Variants in SH3RF1 observed in about 807,000 individuals in gnomAD.
The protein encoded by SH3RF1 is E3 ubiquitin-protein ligase SH3RF1.
In SH3RF1, 32 loss-of-function variants were observed where a neutral mutation model predicts 74.0. The observed-to-expected ratio is 0.43, with a 90% CI of 0.33 to 0.58. The LOEUF is 0.58. SH3RF1 is among the 20% of genes least tolerant of loss of function. SH3RF1 has a pLI of 0.05. For synonymous variants in SH3RF1, 396 were observed against 439.6 expected, an observed-to-expected ratio of 0.90 and a Z score of 1.24; for missense variants, 954 against 1,130.9, an observed-to-expected ratio of 0.84 and a Z score of 2.24.
chr4:169,265,377 G>T (rs978604696), intron 2 of SH3RF1, among the ~76,000 whole-genome samples: 1 of 152,198 alleles, frequency 6.6e-6, no homozygotes, highest in African/African-American at 2.4e-5. Context: ...AATTTGCTGT[G>T]AAGTAGAGGC....
At chr4:169,135,910 A>G (rs1733691360) in intron 5 of SH3RF1, among the ~76,000 whole-genome samples, 1 of 152,238 alleles carries the variant, frequency 6.6e-6, no homozygotes. Flanking sequence ...GGTAAGTTAC[A>G]TAGATACAAG....
intron 2 of SH3RF1, among the ~76,000 whole-genome samples, chr4:169,243,021 C>T (rs1561062839): frequency 6.6e-6 from 1 of 152,202 alleles, no homozygotes; most frequent in Non-Finnish European, 1.5e-5. Flanking sequence ...AACAGCATTG[C>T]ATGAAAAAGA....
At chr4:169,128,683 G>T (rs957206265) in intron 6 of SH3RF1, among the ~76,000 whole-genome samples, 1 of 152,162 alleles carries the variant, frequency 6.6e-6, no homozygotes, top group Non-Finnish European at 1.5e-5. Context: ...AAAACTAGCC[G>T]GAGCCAACAT....
In SH3RF1 at chr4:169,120,831, G is replaced by A. The variant is rs778601540; in HGVS notation, c.1505C>T (p.Ala502Val). The A allele has an allele frequency of 4.3e-6, 7 of 1,614,152 alleles. No individual in the cohort carries two copies. The Admixed American group carries it at 1.2e-4, about 27-fold the overall frequency. Residue 502 changes from alanine to valine, a missense_variant, in exon 8 of 12, where the codon GCA becomes GTA. Ala to Val is a moderately conservative substitution (Grantham distance 64). Around this residue, in one of 3 missense-constraint regions of SH3RF1, gnomAD observed 854 missense variants for 962.5 expected, o/e 0.89. Coordinates refer to ENST00000284637, the MANE Select transcript of SH3RF1 (RefSeq NM_020870.4). ...KIGVFPGNYV[A>V]PVTRAVTNAS... ...TTCAAAACCATACCTTGTGACTGGT[G>A]CCACATAATTGCCAGGGAAAACCCC...
At chr4:169,168,090 T>TGATTGTGTCACTGCA (rs2126971502) in intron 2 of SH3RF1, among the ~76,000 whole-genome samples, 1 of 152,242 alleles carries the variant, frequency 6.6e-6, no homozygotes, top group East Asian at 1.9e-4. Context: ...CAATGAGCTA[T>TGATTGTGTCACTGCA]GATTGTGTCA....
At chr4:169,126,950 T>A (rs1733534945) in intron 6 of SH3RF1, among the ~76,000 whole-genome samples, 1 of 152,230 alleles carries the variant, frequency 6.6e-6, no homozygotes, top group Non-Finnish European at 1.5e-5. Context: ...GGTATTTACC[T>A]TTATTGACCT....
At chr4:169,255,614 T>TACACACACAC (rs1192993515) in intron 2 of SH3RF1, among the ~76,000 whole-genome samples, 10 of 59,068 alleles carry the variant, frequency 1.7e-4, no homozygotes, top group East Asian at 1.1e-3. Flanking sequence ...CACACATACA[T>TACACACACAC]ACACACATAC....
chr4:169,250,722 G>A (rs538348189), intron 2 of SH3RF1, among the ~76,000 whole-genome samples: 1 of 152,132 alleles, frequency 6.6e-6, no homozygotes, highest in Non-Finnish European at 1.5e-5. Flanking sequence ...ACAAATAAAT[G>A]TATAATGTGA....
At position 169,238,963 on chromosome 4, in the gene SH3RF1, C is replaced by T. The variant is rs532657329; in HGVS notation, c.393+29857G>A. Among the ~76,000 whole-genome samples, 24 of 20,622 alleles carry T rather than the reference C, an allele frequency of 1.2e-3. No homozygotes were observed. In the South Asian group the frequency reaches 0.13, roughly 110 times the overall value. The allele number at this position is 20,622 out of a possible 152,430, so 13.5% of individuals were successfully genotyped here. On this transcript the variant is annotated intron_variant, in intron 2 of 11. Transcript: ENST00000284637. ...GGTAAATGACTTCAAAGCTAATTTCCGCCCCCCCCCACCCCTTGCCCTTTT... is the reference window on the plus strand; with the variant it reads ...GGTAAATGACTTCAAAGCTAATTTCTGCCCCCCCCCACCCCTTGCCCTTTT...
chr4:169,195,562 T>A (rs1734795230), intron 2 of SH3RF1, among the ~76,000 whole-genome samples: 1 of 152,212 alleles, frequency 6.6e-6, no homozygotes, highest in South Asian at 2.1e-4. Flanking sequence ...CATTTACAAG[T>A]ATTTAGAAAT....
chr4:169,198,793 T>C (rs1486117238), intron 2 of SH3RF1, among the ~76,000 whole-genome samples: 1 of 152,052 alleles, frequency 6.6e-6, no homozygotes, highest in Non-Finnish European at 1.5e-5. Context: ...GAAATAACAA[T>C]TAGGCTGAAA....
chr4:169,129,624 A>C (rs1282822916), intron 6 of SH3RF1, among the ~76,000 whole-genome samples: 1 of 152,202 alleles, frequency 6.6e-6, no homozygotes, highest in Non-Finnish European at 1.5e-5. Flanking sequence ...ATGAATCTTT[A>C]ATGTAGAGAT....
At chr4:169,208,027 T>G (rs1730290187) in intron 2 of SH3RF1, among the ~76,000 whole-genome samples, 1 of 152,158 alleles carries the variant, frequency 6.6e-6, no homozygotes, top group Non-Finnish European at 1.5e-5. Context: ...TAGACTCTAC[T>G]TTGCCAGGCT....
intron 4 of SH3RF1, among the ~76,000 whole-genome samples, chr4:169,152,307 G>C (rs1021024233): frequency 2.0e-5 from 3 of 152,068 alleles, no homozygotes; most frequent in African/African-American, 7.2e-5. Flanking sequence ...GCTCAACAAG[G>C]ACTCCAAGGC....
chr4:169,153,807 A>C (rs535141175), intron 4 of SH3RF1, among the ~76,000 whole-genome samples: 2 of 152,326 alleles, frequency 1.3e-5, no homozygotes, highest in East Asian at 1.9e-4. Flanking sequence ...GAAAGAAAAG[A>C]AGCAGAATGA....
At chr4:169,198,058 A>G (rs1472327249) in intron 2 of SH3RF1, among the ~76,000 whole-genome samples, 1 of 152,230 alleles carries the variant, frequency 6.6e-6, no homozygotes, top group African/African-American at 2.4e-5. Flanking sequence ...TGCTTTAAGA[A>G]AAATCAATTG....
intron 2 of SH3RF1, among the ~76,000 whole-genome samples, chr4:169,241,776 C>T (rs1375244432): frequency 2.6e-5 from 4 of 152,216 alleles, no homozygotes; most frequent in Non-Finnish European, 4.4e-5. Context: ...AGATACTGCA[C>T]TTCTTGGGAA....
chr4:169,178,326 A>G (rs1177411174), intron 2 of SH3RF1, among the ~76,000 whole-genome samples: 1 of 49,040 alleles, frequency 2.0e-5, no homozygotes, highest in Non-Finnish European at 6.0e-5. Flanking sequence ...AACTATGCTT[A>G]TTTAAAAAAA....
At chr4:169,215,374 T>C (rs995910570) in intron 2 of SH3RF1, among the ~76,000 whole-genome samples, 3 of 152,238 alleles carry the variant, frequency 2.0e-5, no homozygotes, top group Non-Finnish European at 4.4e-5. Flanking sequence ...GTAAGACTTA[T>C]ACACCTATGT....
Sources: allele counts gnomAD v4.1 joint callset (sites outside exome capture counted in the v4.1 genomes callset), GRCh38; gene constraint gnomAD v4.1.1; regional missense constraint gnomAD v4.1.1; transcripts MANE v1.5; gene names NCBI Gene and HGNC (gene_info 2026-07-23, HGNC 2026-07-21).